Variants in TBC1D19 observed in about 807,000 individuals in gnomAD.
TBC1D19 encodes the protein TBC1 domain family, member 19.
TBC1D19 carries 60 observed loss-of-function variants against 89.0 expected under a neutral mutation model. That is an observed-to-expected ratio of 0.67 (90% CI 0.55 to 0.84). The LOEUF (loss-of-function observed/expected upper bound fraction) is 0.84. Among genes scored for constraint, TBC1D19 ranks in the 40% least tolerant of loss-of-function variants. The probability of loss-of-function intolerance (pLI) is 0.00; values close to 1 mark genes in which losing one functional copy is unlikely to be tolerated. For missense variants in TBC1D19, 500 were observed against 610.8 expected (o/e 0.82, Z 1.91); for synonymous variants, 189 against 199.7 (o/e 0.95, Z 0.45).
chr4:26,665,478 T>C (rs540582615), intron 8 of TBC1D19, among the ~76,000 whole-genome samples: 6 of 152,020 alleles, frequency 3.9e-5, no homozygotes, highest in African/African-American at 1.4e-4. Flanking sequence ...TAATGTGAGG[T>C]TTTTATATAT....
intron 15 of TBC1D19, among the ~76,000 whole-genome samples, chr4:26,728,461 A>G (rs1301198848): frequency 1.3e-5 from 2 of 152,176 alleles, no homozygotes; most frequent in Non-Finnish European, 2.9e-5. Context: ...TTATTTTTTA[A>G]AAGTTTATAA....
At chr4:26,672,260 A>G in intron 10 of TBC1D19, 73 bp downstream of exon 10, 2 of 1,172,272 alleles carry the variant, frequency 1.7e-6, no homozygotes, top group East Asian at 7.0e-5. Flanking sequence ...GCCTCAGATA[A>G]CCTCCAGGTG....
At chr4:26,822,648 G>A in the TBC1D19 span, among the ~76,000 whole-genome samples, 15,061 of 152,140 alleles carry the variant, frequency 0.099, 1,170 homozygotes, top group African/African-American at 0.21. Context: ...CAGCAGGCTC[G>A]TTTAAATGGT....
the TBC1D19 span, among the ~76,000 whole-genome samples, chr4:26,777,508 G>A: frequency 6.6e-6 from 1 of 151,870 alleles, no homozygotes. Flanking sequence ...GCATAATCTT[G>A]GCTCACTGTA....
chr4:26,780,222 T>G, the TBC1D19 span, among the ~76,000 whole-genome samples: 2 of 152,336 alleles, frequency 1.3e-5, no homozygotes, highest in African/African-American at 4.8e-5. Flanking sequence ...TCTTAAAATC[T>G]GTTTCTAAAT....
chr4:26,771,982 C>A, the TBC1D19 span, among the ~76,000 whole-genome samples: 59 of 152,036 alleles, frequency 3.9e-4, no homozygotes, highest in African/African-American at 1.4e-3. Context: ...AATTAGTAAA[C>A]CTCTATCCAG....
chr4:26,744,324 A>T (rs1474924893), intron 18 of TBC1D19, among the ~76,000 whole-genome samples: 5 of 151,588 alleles, frequency 3.3e-5, no homozygotes, highest in African/African-American at 4.8e-5. Flanking sequence ...TGAAAGAATC[A>T]GTTTTTTGTA....
the TBC1D19 span, among the ~76,000 whole-genome samples, chr4:26,780,284 A>G: frequency 6.6e-6 from 1 of 152,226 alleles, no homozygotes; most frequent in Non-Finnish European, 1.5e-5. Flanking sequence ...TTTCCTAAGC[A>G]CTAGTTAACA....
At chr4:26,602,912 C>G (rs190046942) in intron 1 of TBC1D19, among the ~76,000 whole-genome samples, 26 of 152,260 alleles carry the variant, frequency 1.7e-4, no homozygotes, top group Non-Finnish European at 3.1e-4. Flanking sequence ...GCACATAAGG[C>G]ACTTCTGCAT....
intron 13 of TBC1D19, among the ~76,000 whole-genome samples, chr4:26,695,975 G>C (rs539161128): frequency 1.3e-5 from 2 of 152,082 alleles, no homozygotes; most frequent in South Asian, 2.1e-4. Flanking sequence ...ACCAGCTAAC[G>C]TCATAATGAC....
the TBC1D19 span, among the ~76,000 whole-genome samples, chr4:26,804,712 T>C: frequency 6.6e-6 from 1 of 152,160 alleles, no homozygotes; most frequent in Admixed American, 6.5e-5. Context: ...CAGGACTCCC[T>C]AGAGCTGCTC....
chr4:26,766,867 C>A, the TBC1D19 span, among the ~76,000 whole-genome samples: 1 of 152,102 alleles, frequency 6.6e-6, no homozygotes, highest in Non-Finnish European at 1.5e-5. Context: ...ATATTTAATA[C>A]TAAACACTTT....
At chr4:26,590,507 A>T (rs541666408) in intron 1 of TBC1D19, among the ~76,000 whole-genome samples, 2 of 152,296 alleles carry the variant, frequency 1.3e-5, no homozygotes, top group African/African-American at 4.8e-5. Flanking sequence ...ATTTGCCATA[A>T]GAGTGTTATG....
chr4:26,596,222 G>A (rs111668412), intron 1 of TBC1D19, among the ~76,000 whole-genome samples: 3,232 of 152,232 alleles, frequency 0.021, 111 homozygotes, highest in African/African-American at 0.072. Context: ...CTCCCATAGT[G>A]CTGGGAGTAC....
chr4:26,757,847 GT>G (rs1176382991), downstream of TBC1D19, among the ~76,000 whole-genome samples: 1 of 152,132 alleles, frequency 6.6e-6, no homozygotes, highest in Non-Finnish European at 1.5e-5. Flanking sequence ...AGATTTGATT[GT>G]GCCATTTCTA....
At chr4:26,779,352 A>G in the TBC1D19 span, among the ~76,000 whole-genome samples, 2 of 152,234 alleles carry the variant, frequency 1.3e-5, no homozygotes, top group South Asian at 4.1e-4. Context: ...GCAGGCTCTT[A>G]CAAGGCTCCC....
At chr4:26,583,040 A>G (rs1347023981), upstream of TBC1D19, among the ~76,000 whole-genome samples, 1 of 152,126 alleles carries the variant, frequency 6.6e-6, no homozygotes, top group African/African-American at 2.4e-5. Flanking sequence ...ATTGAATGAG[A>G]TCTCTTTGTT....
At chr4:26,740,981 C>T (rs1325157820) in intron 17 of TBC1D19, 1 of 974,010 alleles carries the variant, frequency 1.0e-6, no homozygotes, top group Non-Finnish European at 1.2e-6. Context: ...TTTCTTATCT[C>T]TAAGAGAACT....
At chr4:26,603,069 G>T (rs967571890) in intron 1 of TBC1D19, among the ~76,000 whole-genome samples, 10 of 152,252 alleles carry the variant, frequency 6.6e-5, no homozygotes, top group Middle Eastern at 3.4e-3. Context: ...TCATTGGGAT[G>T]TATTTTCTCA....
Sources: allele counts gnomAD v4.1 joint callset (sites outside exome capture counted in the v4.1 genomes callset), GRCh38; gene constraint gnomAD v4.1.1; transcripts MANE v1.5; gene names NCBI Gene and HGNC (gene_info 2026-07-23, HGNC 2026-07-21).